Variants in RARB observed in about 807,000 individuals in gnomAD.
RARB encodes the protein retinoic acid receptor beta, also known as HBV-activated protein.
Under a neutral mutation model 51.9 loss-of-function variants are expected in RARB, and 17 were observed. The ratio of observed to expected loss-of-function variants is 0.33; its 90% CI spans 0.22 to 0.49. The LOEUF (loss-of-function observed/expected upper bound fraction) is 0.49, where lower values mean the gene tolerates loss of function less well. Ranked by LOEUF, RARB falls within the 20% of genes least tolerant of loss-of-function variation. The pLI, the probability that RARB is intolerant of heterozygous loss-of-function variation, is 0.99. For synonymous variants in RARB, 215 were observed against 195.4 expected (o/e 1.10, Z -0.84); for missense variants, 369 against 550.8 (o/e 0.67, Z 3.30).
At chr3:25,595,391 A>T (rs951743303) in intron 7 of RARB, among the ~76,000 whole-genome samples, 1 of 152,202 alleles carries the variant, frequency 6.6e-6, no homozygotes, top group African/African-American at 2.4e-5. Context: ...AAGTGCTTAA[A>T]AGCACAGGGA....
At chr3:25,156,498 A>G (rs1018743386) in intron 4 of RARB, among the ~76,000 whole-genome samples, 1 of 141,658 alleles carries the variant, frequency 7.1e-6, no homozygotes, top group African/African-American at 2.6e-5. Flanking sequence ...CTAATCACAC[A>G]AATTCTAGCC....
intron 2 of RARB, among the ~76,000 whole-genome samples, chr3:25,004,857 TCTA>T (rs1482390870): frequency 6.6e-6 from 1 of 152,166 alleles, no homozygotes; most frequent in Non-Finnish European, 1.5e-5. Context: ...AAAATAAAAT[TCTA>T]CTGCTGTGTA....
At chr3:25,048,318 G>A (rs1698257224) in intron 2 of RARB, among the ~76,000 whole-genome samples, 1 of 152,116 alleles carries the variant, frequency 6.6e-6, no homozygotes, top group African/African-American at 2.4e-5. Flanking sequence ...TTCCTACTTG[G>A]TTGATCTAAA....
At chr3:25,208,772 G>A (rs913147265) in intron 5 of RARB, among the ~76,000 whole-genome samples, 2 of 152,244 alleles carry the variant, frequency 1.3e-5, no homozygotes, top group Non-Finnish European at 2.9e-5. Flanking sequence ...TGGCTGCCAA[G>A]TTCCCAGCTG....
At chr3:25,419,250 C>A (rs1042355464) in intron 5 of RARB, among the ~76,000 whole-genome samples, 5 of 152,080 alleles carry the variant, frequency 3.3e-5, no homozygotes, top group African/African-American at 1.2e-4. Context: ...GGTCTGATGA[C>A]CTGCTTCAGG....
At chr3:24,969,079 A>C (rs1237701668) in intron 2 of RARB, among the ~76,000 whole-genome samples, 3 of 152,048 alleles carry the variant, frequency 2.0e-5, no homozygotes, top group Non-Finnish European at 4.4e-5. Flanking sequence ...TACAATATTC[A>C]TTTAGAATCA....
intron 5 of RARB, among the ~76,000 whole-genome samples, chr3:25,276,774 T>C (rs1346512439): frequency 6.6e-6 from 1 of 152,204 alleles, no homozygotes; most frequent in Non-Finnish European, 1.5e-5. Flanking sequence ...GTAAACCCAA[T>C]GGCTGTGTGA....
chr3:25,379,687 A>G (rs1343511285), intron 5 of RARB, among the ~76,000 whole-genome samples: 2 of 152,214 alleles, frequency 1.3e-5, no homozygotes, highest in Non-Finnish European at 2.9e-5. Flanking sequence ...ACTCTCAGGG[A>G]GATTACAGTC....
chr3:24,880,384 T>C (rs955085207), intron 2 of RARB, among the ~76,000 whole-genome samples: 1 of 152,152 alleles, frequency 6.6e-6, no homozygotes, highest in African/African-American at 2.4e-5. Context: ...GTAATTAATA[T>C]CCTTGGAGAG....
chr3:25,467,248 C>A (rs965755209), intron 2 of RARB, among the ~76,000 whole-genome samples: 10 of 152,236 alleles, frequency 6.6e-5, no homozygotes, highest in African/African-American at 2.4e-4. Context: ...CAGTTAGCTT[C>A]TTCTGCTTAA....
chr3:25,589,740 T>C (rs1176374648), intron 5 of RARB, among the ~76,000 whole-genome samples: 1 of 152,146 alleles, frequency 6.6e-6, no homozygotes, highest in Non-Finnish European at 1.5e-5. Context: ...CTGAGGAGGA[T>C]CAACTTTGAC....
intron 2 of RARB, among the ~76,000 whole-genome samples, chr3:24,972,234 C>T (rs777538718): frequency 6.6e-5 from 10 of 151,982 alleles, no homozygotes; most frequent in Non-Finnish European, 1.3e-4. Flanking sequence ...TGAGTGAGAA[C>T]ATGTGATATT....
chr3:24,888,352 G>A (rs1284068800), intron 2 of RARB, among the ~76,000 whole-genome samples: 5 of 152,112 alleles, frequency 3.3e-5, no homozygotes, highest in East Asian at 1.9e-4. Flanking sequence ...AAGTTGTTAC[G>A]TGGGTATTAA....
chr3:25,186,877 A>AG (rs944042793), intron 5 of RARB, among the ~76,000 whole-genome samples: 7 of 135,930 alleles, frequency 5.1e-5, no homozygotes, highest in Non-Finnish European at 6.4e-5. Flanking sequence ...CCAAAGAAAA[A>AG]GGTAAGCCTG....
rs151305568 is a variant in RARB at position 25,189,522 on chromosome 3, C to T, written c.178+14947C>T. Among the ~76,000 whole-genome samples the T allele has an allele frequency of 5.1e-3, 776 of 152,228 alleles. 2 individuals are homozygous for T. Among genetic ancestry groups the T allele is most frequent in the Non-Finnish European group, 8.5e-3 (579 of 67,994 alleles). ...CCCTCACAGAATCATTTTGAATCAG[C>T]TCCAACAGACAACAGGTGATGGAAG... is the stretch of plus-strand genomic sequence containing the variant. On this transcript the variant is annotated intron_variant, in intron 5 of 11. Coordinates refer to the RARB transcript ENST00000383772.
At chr3:24,913,402 CTTTTT>C (rs66779362) in intron 2 of RARB, among the ~76,000 whole-genome samples, 1 of 108,412 alleles carries the variant, frequency 9.2e-6, no homozygotes. Context: ...CTCTCTCTCT[CTTTTT>C]TTTTTTTTTT....
chr3:25,384,841 A>G (rs914243138), intron 5 of RARB, among the ~76,000 whole-genome samples: 1 of 152,236 alleles, frequency 6.6e-6, no homozygotes, highest in Non-Finnish European at 1.5e-5. Flanking sequence ...CTGTTCGTTC[A>G]GAAAGCTTAA....
intron 2 of RARB, among the ~76,000 whole-genome samples, chr3:24,904,232 ATGT>A (rs1426623261): frequency 6.6e-6 from 1 of 152,182 alleles, no homozygotes; most frequent in Non-Finnish European, 1.5e-5. Flanking sequence ...TGAGTATTAC[ATGT>A]TGTAATGTGT....
chr3:25,299,848 A>G (rs1703999271), intron 5 of RARB, among the ~76,000 whole-genome samples: 1 of 152,196 alleles, frequency 6.6e-6, no homozygotes, highest in South Asian at 2.1e-4. Context: ...TTTCCTGTTC[A>G]AGAGTAATTT....
Sources: allele counts gnomAD v4.1 joint callset (sites outside exome capture counted in the v4.1 genomes callset), GRCh38; gene constraint gnomAD v4.1.1; transcripts MANE v1.5; gene names NCBI Gene and HGNC (gene_info 2026-07-23, HGNC 2026-07-21).